CTBP2: variants seen among roughly 807,000 people sequenced by gnomAD.
CTBP2 encodes the protein C-terminal-binding protein 2.
CTBP2 carries 30 observed loss-of-function variants against 80.3 expected under a neutral mutation model. The observed-to-expected ratio is 0.37, with a 90% confidence interval of 0.28 to 0.51. The LOEUF (loss-of-function observed/expected upper bound fraction) is 0.51, where lower values mean the gene tolerates loss of function less well. Ranked by LOEUF, CTBP2 falls within the 20% of genes least tolerant of loss-of-function variation. The pLI is 0.93. For missense variants in CTBP2, 1,212 were observed against 1,375.3 expected (o/e 0.88, Z 1.88); for synonymous variants, 594 against 587.4 (o/e 1.01, Z -0.16).
At position 125,016,793 on chromosome 10, in the gene CTBP2, T is replaced by C. The variant is rs115983448; in HGVS notation, c.1678+9289A>G. ...TTTCTTCTCTAACTTTTTCTTAAAA[T>C]CTAGTAACTTCTACAGCATCCCAGG... On this transcript the variant is annotated intron_variant, in intron 1 of 8. Transcript: ENST00000309035. Among the ~76,000 whole-genome samples, 807 of 152,360 alleles carry C rather than the reference T, an allele frequency of 5.3e-3. 4 individuals are homozygous for C. Among genetic ancestry groups the C allele is most frequent in the African/African-American group, 0.018 (761 of 41,590 alleles).
chr10:125,073,236 C>T (rs1845780820), intron 2 of CTBP2, among the ~76,000 whole-genome samples: 1 of 152,164 alleles, frequency 6.6e-6, no homozygotes, highest in African/African-American at 2.4e-5. Flanking sequence ...TCAATGGCTT[C>T]TGCATCTCTC....
chr10:125,005,797 T>C, intron 1 of CTBP2: 1 of 1,611,666 alleles, frequency 6.2e-7, no homozygotes, highest in African/African-American at 1.3e-5. Context: ...GGCCTGGAAG[T>C]CCTGGTCTCA....
intron 2 of CTBP2, among the ~76,000 whole-genome samples, chr10:125,049,409 C>T (rs369224799): frequency 6.2e-4 from 94 of 152,356 alleles, no homozygotes; most frequent in African/African-American, 2.0e-3. Flanking sequence ...CACACACGTG[C>T]GGATCCTGGG....
chr10:125,003,386 G>C lies in CTBP2; in HGVS notation c.1785C>G (p.Ala595=), dbSNP rs547007995. ...ACTGCGCGTCACAGAAGGCCACAGT[G>C]GCCAGGTCCTTCAGGATGGGCATCT... is the stretch of plus-strand genomic sequence containing the variant. The change falls in exon 2 of 9, where the codon GCC becomes GCG. Residue 595 remains alanine (A), a synonymous_variant. Transcript: ENST00000309035. 1 of 1,608,346 alleles carries C rather than the reference G, an allele frequency of 6.2e-7. No individual in the cohort carries two copies. The highest frequency in any genetic ancestry group is 8.5e-7 in the Non-Finnish European group (1 of 1,178,778).
chr10:125,017,683 C>T (rs1956628646), intron 1 of CTBP2, among the ~76,000 whole-genome samples: 1 of 152,242 alleles, frequency 6.6e-6, no homozygotes, highest in Admixed American at 6.5e-5. Flanking sequence ...CCTGAACTCT[C>T]CCAGGCAGCA....
Position 124,989,364 on chromosome 10 carries a change from T to C in CTBP2, c.*154A>G, listed in dbSNP as rs1378098613. On this transcript the variant is annotated 3_prime_UTR_variant, in exon 9 of 9. Transcript: ENST00000309035. Reference sequence around the variant, plus strand: ...CGTAAGCAGACGACATCTTCAGTTTTCTAGCTCTTGTAGTTTCAACACTGC... The same window carrying C: ...CGTAAGCAGACGACATCTTCAGTTTCCTAGCTCTTGTAGTTTCAACACTGC... 2.3e-6 allele frequency: 2 copies of C among 873,192 alleles called. No individual in the cohort carries two copies. Among genetic ancestry groups the C allele is most frequent in the African/African-American group, 3.3e-5 (2 of 60,596 alleles). The allele number at this position is 873,192 out of a possible 1,614,324, so 54.1% of individuals were successfully genotyped here.
chr10:125,150,128 T>C (rs1284124717), intron 1 of CTBP2, among the ~76,000 whole-genome samples: 1 of 152,184 alleles, frequency 6.6e-6, no homozygotes, highest in Admixed American at 6.5e-5. Flanking sequence ...CAGATCCTAT[T>C]TCAGGTGTGC....
Position 124,992,476 on chromosome 10 carries a change from A to G in CTBP2, c.2777+219T>C, listed in dbSNP as rs150907451. On this transcript the variant is annotated intron_variant, in intron 8 of 8. Coordinates refer to ENST00000309035, the MANE Select transcript of CTBP2 (RefSeq NM_022802.3). ...ACCTGTGGTCAATCACATCTGACCG[A>G]ACACACCCCCTTTTAAAATAGGAGC... Among the ~76,000 whole-genome samples, 816 of 152,238 alleles carry G rather than the reference A, an allele frequency of 5.4e-3. 4 individuals are homozygous for G. Among genetic ancestry groups the G allele is most frequent in the Non-Finnish European group, 8.8e-3 (601 of 68,026 alleles).
chr10:125,057,090 G>A (rs1267002401), intron 2 of CTBP2, among the ~76,000 whole-genome samples: 2 of 152,236 alleles, frequency 1.3e-5, no homozygotes, highest in Admixed American at 6.5e-5. Context: ...GGGGGCAGGA[G>A]GGAGACAGCA....
chr10:125,024,052 T>C (rs1471856721), intron 1 of CTBP2, among the ~76,000 whole-genome samples: 3 of 152,230 alleles, frequency 2.0e-5, no homozygotes, highest in Non-Finnish European at 4.4e-5. Flanking sequence ...CCGGCGGGAC[T>C]GCCCAGCCTG....
intron 2 of CTBP2, among the ~76,000 whole-genome samples, chr10:125,054,556 G>A (rs188129177): frequency 1.3e-5 from 2 of 152,328 alleles, no homozygotes; most frequent in East Asian, 3.9e-4. Flanking sequence ...GCTAAGCTGT[G>A]CAGGTTCCTG....
intron 2 of CTBP2, among the ~76,000 whole-genome samples, chr10:125,040,237 C>T (rs1357515776): frequency 1.3e-5 from 2 of 152,058 alleles, no homozygotes; most frequent in African/African-American, 4.8e-5. Flanking sequence ...GGCAGATCAC[C>T]TGAGGTCAGG....
At chr10:125,085,470 G>A (rs1847840911) in intron 2 of CTBP2, among the ~76,000 whole-genome samples, 1 of 152,192 alleles carries the variant, frequency 6.6e-6, no homozygotes, top group African/African-American at 2.4e-5. Context: ...AACAGCAGTT[G>A]CATCAAGTCT....
intron 2 of CTBP2, chr10:125,100,676 G>A (rs1850476924): frequency 6.6e-6 from 1 of 152,128 alleles, no homozygotes; most frequent in African/African-American, 2.4e-5. Flanking sequence ...AAGGATGAGA[G>A]GAAAAACGCG....
chr10:125,022,517 G>A (rs1476438885), intron 1 of CTBP2, among the ~76,000 whole-genome samples: 7 of 152,156 alleles, frequency 4.6e-5, no homozygotes, highest in African/African-American at 1.7e-4. Flanking sequence ...GAACAGCAGG[G>A]GACAGGTCAA....
chr10:125,005,495 G>C (rs1955116089), intron 1 of CTBP2: 1 of 1,530,322 alleles, frequency 6.5e-7, no homozygotes, highest in Non-Finnish European at 8.9e-7. Context: ...AAACAGGGCA[G>C]GGGAGGGGGA....
intron 2 of CTBP2, among the ~76,000 whole-genome samples, chr10:125,054,980 G>A (rs865815298): frequency 6.6e-6 from 1 of 152,098 alleles, no homozygotes; most frequent in African/African-American, 2.4e-5. Context: ...CCAGGGCTAC[G>A]CTCAACATGC....
At chr10:125,087,860 C>T (rs1056026052) in intron 2 of CTBP2, among the ~76,000 whole-genome samples, 1 of 152,220 alleles carries the variant, frequency 6.6e-6, no homozygotes, top group African/African-American at 2.4e-5. Context: ...AAGAACTGTG[C>T]TTCCTTGTCT....
chr10:125,152,415 A>C (rs931987802), intron 1 of CTBP2, among the ~76,000 whole-genome samples: 5 of 152,220 alleles, frequency 3.3e-5, no homozygotes, highest in African/African-American at 9.6e-5. Context: ...TCCTGGAGTC[A>C]GTCTGAGCGG....
Sources: allele counts gnomAD v4.1 joint callset (sites outside exome capture counted in the v4.1 genomes callset), GRCh38; gene constraint gnomAD v4.1.1; transcripts MANE v1.5; gene names NCBI Gene and HGNC (gene_info 2026-07-23, HGNC 2026-07-21).